Variants in PPM1L observed in about 807,000 individuals in gnomAD.
PPM1L encodes protein phosphatase 1L.
A neutral mutation model predicts 31.4 loss-of-function variants in PPM1L; 13 were observed. That is an observed-to-expected ratio of 0.41 (90% CI 0.27 to 0.66). The LOEUF (loss-of-function observed/expected upper bound fraction) is 0.66. PPM1L is among the 30% of genes least tolerant of loss of function. The probability of loss-of-function intolerance (pLI) is 0.29; values close to 1 mark genes in which losing one functional copy is unlikely to be tolerated. For synonymous variants in PPM1L, 184 were observed against 175.4 expected (o/e 1.05, Z -0.39); for missense variants, 326 against 453.7 (o/e 0.72, Z 2.56).
chr3:161,021,768 CT>C, intron 2 of PPM1L, among the ~76,000 whole-genome samples: 1 of 151,794 alleles, frequency 6.6e-6, no homozygotes, highest in Middle Eastern at 3.4e-3. Context: ...TTAAAATATC[CT>C]TTTTTGTCTC....
intron 1 of PPM1L, among the ~76,000 whole-genome samples, chr3:160,914,538 T>A (rs1714089909): frequency 6.7e-6 from 1 of 149,404 alleles, no homozygotes; most frequent in Non-Finnish European, 1.5e-5. Context: ...GAACATACAG[T>A]GTTTGGTTTT....
At chr3:161,007,152 A>G (rs1403999859) in intron 2 of PPM1L, among the ~76,000 whole-genome samples, 1 of 152,204 alleles carries the variant, frequency 6.6e-6, no homozygotes, top group Non-Finnish European at 1.5e-5. Context: ...TCAACGACCT[A>G]TATTCTAATG....
chr3:160,780,856 A>G lies in PPM1L; in HGVS notation c.399+24149A>G, dbSNP rs544506456. ...ACACATGGTTCAGTTCTTTTTTGAAATACAAGAATATATTATCTTGTTTTA... is the reference window on the plus strand; with the variant it reads ...ACACATGGTTCAGTTCTTTTTTGAAGTACAAGAATATATTATCTTGTTTTA... On this transcript the variant is annotated intron_variant, in intron 1 of 3. Coordinates refer to ENST00000498165, the MANE Select transcript of PPM1L (RefSeq NM_139245.4). 2.0e-5 allele frequency among the ~76,000 whole-genome samples: 3 copies of G among 152,306 alleles called. No individual in the cohort carries two copies. In the South Asian group the frequency reaches 6.2e-4, roughly 32 times the overall value.
intron 1 of PPM1L, among the ~76,000 whole-genome samples, chr3:160,905,522 A>C (rs554179798): frequency 6.6e-6 from 1 of 152,272 alleles, no homozygotes; most frequent in African/African-American, 2.4e-5. Context: ...TAGATCAGTA[A>C]GTTTTAGGTC....
chr3:161,050,429 G>A (rs1047281509), intron 2 of PPM1L, among the ~76,000 whole-genome samples: 2 of 151,780 alleles, frequency 1.3e-5, no homozygotes, highest in African/African-American at 4.8e-5. Flanking sequence ...ATTGTATCTA[G>A]GAAATTAGGA....
intron 1 of PPM1L, among the ~76,000 whole-genome samples, chr3:160,922,308 T>TCA (rs2108072763): frequency 6.6e-6 from 1 of 151,980 alleles, no homozygotes; most frequent in Non-Finnish European, 1.5e-5. Flanking sequence ...AGACTCCGTC[T>TCA]AAAAAAAATA....
At chr3:160,808,521 G>A (rs1180803476) in intron 1 of PPM1L, among the ~76,000 whole-genome samples, 1 of 152,062 alleles carries the variant, frequency 6.6e-6, no homozygotes, top group Non-Finnish European at 1.5e-5. Context: ...TATAGCTGGG[G>A]GGCCTCCCTT....
intron 1 of PPM1L, among the ~76,000 whole-genome samples, chr3:160,771,576 GA>G (rs1715258678): frequency 1.4e-5 from 1 of 72,284 alleles, no homozygotes; most frequent in African/African-American, 6.1e-5. Flanking sequence ...TTTTTAAAAA[GA>G]GCATATTAAA....
At chr3:160,814,597 ATGTATGTG>A (rs1483310502) in intron 1 of PPM1L, among the ~76,000 whole-genome samples, 1 of 132,368 alleles carries the variant, frequency 7.6e-6, no homozygotes, top group Non-Finnish European at 1.6e-5. Context: ...ACACATATGT[ATGTATGTG>A]TATATATATA....
chr3:160,825,451 T>C (rs117774108), intron 1 of PPM1L, among the ~76,000 whole-genome samples: 17 of 152,250 alleles, frequency 1.1e-4, no homozygotes, highest in African/African-American at 3.1e-4. Context: ...CTCACTTGCA[T>C]TGATTGCTTA....
chr3:161,046,349 T>C (rs193189125), intron 2 of PPM1L, among the ~76,000 whole-genome samples: 1 of 152,056 alleles, frequency 6.6e-6, no homozygotes. Context: ...AAAAAATTGA[T>C]AAATTCTTGG....
At chr3:161,017,323 G>C (rs1290141715) in intron 2 of PPM1L, among the ~76,000 whole-genome samples, 1 of 152,148 alleles carries the variant, frequency 6.6e-6, no homozygotes, top group African/African-American at 2.4e-5. Context: ...AGGAATTTGA[G>C]GGAGATTAGA....
chr3:160,769,455 A>T (rs900479951), intron 1 of PPM1L, among the ~76,000 whole-genome samples: 1 of 152,098 alleles, frequency 6.6e-6, no homozygotes, highest in Non-Finnish European at 1.5e-5. Context: ...TAAATTTGGT[A>T]TTTTAGGGCC....
intron 1 of PPM1L, among the ~76,000 whole-genome samples, chr3:160,788,698 T>C (rs543840732): frequency 1.7e-4 from 26 of 152,204 alleles, no homozygotes; most frequent in Admixed American, 7.2e-4. Flanking sequence ...TTTTAATGGA[T>C]TCATTATTTT....
intron 1 of PPM1L, among the ~76,000 whole-genome samples, chr3:160,760,358 C>T (rs961134688): frequency 7.2e-5 from 11 of 152,128 alleles, no homozygotes; most frequent in Admixed American, 1.3e-4. Context: ...GTGAATTCTT[C>T]GGCAAAGATA....
At chr3:160,767,378 C>T (rs1209394464) in intron 1 of PPM1L, among the ~76,000 whole-genome samples, 4 of 151,936 alleles carry the variant, frequency 2.6e-5, no homozygotes, top group Non-Finnish European at 2.9e-5. Flanking sequence ...GGACTACAGG[C>T]GTGTGCCACC....
chr3:161,004,270 A>G (rs1395983409), intron 2 of PPM1L, among the ~76,000 whole-genome samples: 7 of 141,734 alleles, frequency 4.9e-5, no homozygotes, highest in African/African-American at 1.9e-4. Flanking sequence ...TTTTGCATCA[A>G]TGTTCATCAA....
chr3:160,974,986 T>A (rs992935796), intron 2 of PPM1L, among the ~76,000 whole-genome samples: 2 of 152,196 alleles, frequency 1.3e-5, no homozygotes, highest in South Asian at 2.1e-4. Context: ...GATTTTCTTC[T>A]AGGGTTTTTA....
At chr3:160,972,614 G>A (rs966729654) in intron 2 of PPM1L, among the ~76,000 whole-genome samples, 21 of 152,130 alleles carry the variant, frequency 1.4e-4, no homozygotes, top group African/African-American at 4.8e-4. Context: ...GGACATTTGG[G>A]TTGGTTCAAA....
Sources: allele counts gnomAD v4.1 joint callset (sites outside exome capture counted in the v4.1 genomes callset), GRCh38; gene constraint gnomAD v4.1.1; transcripts MANE v1.5; gene names NCBI Gene and HGNC (gene_info 2026-07-23, HGNC 2026-07-21).